The following AGMO variants were observed in gnomAD, a reference collection of about 807,000 sequenced individuals.
AGMO encodes the protein alkylglycerol monooxygenase, also known as glyceryl-ether monooxygenase.
In AGMO, 75 loss-of-function variants were observed where a neutral mutation model predicts 60.2. The observed-to-expected ratio is 1.25, with a 90% CI of 1.03 to 1.51. The LOEUF (loss-of-function observed/expected upper bound fraction) is 1.51, where lower values mean the gene tolerates loss of function less well. AGMO is among the 40% of genes most tolerant of loss of function. The probability of loss-of-function intolerance (pLI) is 0.00; values close to 1 mark genes in which losing one functional copy is unlikely to be tolerated. For synonymous variants in AGMO, 261 were observed against 177.1 expected (o/e 1.47, Z -3.76); for missense variants, 763 against 525.5 (o/e 1.45, Z -4.42).
chr7:15,503,593 A>C (rs978872082), intron 3 of AGMO, among the ~76,000 whole-genome samples: 3 of 152,040 alleles, frequency 2.0e-5, no homozygotes, highest in African/African-American at 7.2e-5. Context: ...CAGGGAAATA[A>C]ATCAATATGA....
chr7:15,267,255 G>A (rs1176173235), intron 12 of AGMO, among the ~76,000 whole-genome samples: 2 of 151,720 alleles, frequency 1.3e-5, no homozygotes, highest in African/African-American at 4.8e-5. Flanking sequence ...TTGTTTCTCA[G>A]AAAATATACT....
intron 12 of AGMO, among the ~76,000 whole-genome samples, chr7:15,235,617 G>A (rs937029000): frequency 2.0e-5 from 3 of 151,994 alleles, no homozygotes; most frequent in Non-Finnish European, 2.9e-5. Flanking sequence ...GTATTTTAGA[G>A]ACTAAATTAA....
At chr7:15,148,026 C>T in the AGMO span, among the ~76,000 whole-genome samples, 8 of 152,206 alleles carry the variant, frequency 5.3e-5, no homozygotes, top group Admixed American at 6.5e-5. Flanking sequence ...AACAGTCTTG[C>T]TCAGTGGTAA....
At chr7:15,155,426 T>C in the AGMO span, among the ~76,000 whole-genome samples, 1 of 132,944 alleles carries the variant, frequency 7.5e-6, no homozygotes, top group African/African-American at 2.9e-5. Flanking sequence ...TTTCTTTTTT[T>C]TTTTTTTTTT....
intron 10 of AGMO, among the ~76,000 whole-genome samples, chr7:15,379,914 T>C (rs1480746042): frequency 6.6e-6 from 1 of 152,064 alleles, no homozygotes; most frequent in South Asian, 2.1e-4. Flanking sequence ...AGAAAGCATA[T>C]GATTATCCCA....
At chr7:15,434,923 CT>C (rs1781357482) in intron 3 of AGMO, among the ~76,000 whole-genome samples, 6 of 111,582 alleles carry the variant, frequency 5.4e-5, no homozygotes, top group Admixed American at 3.5e-4. Flanking sequence ...TTTAGTTTTG[CT>C]TTTTTGAGTG....
At chr7:15,418,882 T>C (rs1424219223) in intron 4 of AGMO, among the ~76,000 whole-genome samples, 1 of 151,932 alleles carries the variant, frequency 6.6e-6, no homozygotes, top group Admixed American at 6.6e-5. Flanking sequence ...TAATATTGTC[T>C]AGTTAAAATA....
chr7:15,471,147 A>G (rs1782441934), intron 3 of AGMO, among the ~76,000 whole-genome samples: 1 of 151,936 alleles, frequency 6.6e-6, no homozygotes, highest in Non-Finnish European at 1.5e-5. Flanking sequence ...CCCAATTGTC[A>G]TCATTATCAT....
chr7:15,168,853 C>T, the AGMO span, among the ~76,000 whole-genome samples: 1 of 152,154 alleles, frequency 6.6e-6, no homozygotes, highest in Admixed American at 6.5e-5. Context: ...ATTGGTGATG[C>T]CTTCGTTGCA....
chr7:15,243,950 C>T (rs1782667651), intron 12 of AGMO, among the ~76,000 whole-genome samples: 1 of 152,080 alleles, frequency 6.6e-6, no homozygotes, highest in South Asian at 2.1e-4. Flanking sequence ...ATGATCTTCC[C>T]CTGTATTTCC....
chr7:15,541,017 T>A (rs1784613936), intron 3 of AGMO, among the ~76,000 whole-genome samples: 1 of 152,224 alleles, frequency 6.6e-6, no homozygotes, highest in South Asian at 2.1e-4. Context: ...TTTAAAAATG[T>A]TTCCTTGAAA....
intron 12 of AGMO, among the ~76,000 whole-genome samples, chr7:15,362,661 C>T (rs571270914): frequency 4.5e-4 from 68 of 152,310 alleles, no homozygotes; most frequent in African/African-American, 1.6e-3. Context: ...GAAGCAGTTT[C>T]TGGAAAGAGT....
chr7:15,471,614 G>A (rs1035169245), intron 3 of AGMO, among the ~76,000 whole-genome samples: 1 of 151,902 alleles, frequency 6.6e-6, no homozygotes, highest in African/African-American at 2.4e-5. Context: ...TAGAAACAAT[G>A]TTAGCTTTGT....
intron 9 of AGMO, 96 bp from the exon 10 acceptor site, chr7:15,385,658 T>C (rs1261464565): frequency 1.4e-6 from 1 of 703,140 alleles, no homozygotes; most frequent in South Asian, 1.6e-5. Context: ...TATCTGCTAT[T>C]TTTTTTAAAA....
At chr7:15,550,023 C>G (rs558240411) in intron 2 of AGMO, among the ~76,000 whole-genome samples, 1 of 151,990 alleles carries the variant, frequency 6.6e-6, no homozygotes, top group Non-Finnish European at 1.5e-5. Context: ...CACTCAAAAC[C>G]GCTCAACTAC....
intron 12 of AGMO, among the ~76,000 whole-genome samples, chr7:15,354,370 A>ATG (rs1186698376): frequency 3.2e-5 from 2 of 62,862 alleles, no homozygotes; most frequent in East Asian, 5.6e-4. Flanking sequence ...GTGTATATAG[A>ATG]CGTGTGTATA....
At chr7:15,340,556 T>C (rs1194827382) in intron 12 of AGMO, among the ~76,000 whole-genome samples, 1 of 152,124 alleles carries the variant, frequency 6.6e-6, no homozygotes. Context: ...GTGCCCTGTG[T>C]CCCAGCCACT....
intron 5 of AGMO, among the ~76,000 whole-genome samples, chr7:15,416,523 C>T (rs2128493788): frequency 6.6e-6 from 1 of 152,160 alleles, no homozygotes; most frequent in African/African-American, 2.4e-5. Context: ...TCAAAAAAAT[C>T]AGTATCTTCT....
rs201383556 is a variant in AGMO at position 15,365,545 on chromosome 7, G to C, written c.1232C>G (p.Pro411Arg). 656 of 1,612,812 alleles carry C rather than the reference G, an allele frequency of 4.1e-4. No homozygotes were observed. Among genetic ancestry groups the C allele is most frequent in the Non-Finnish European group, 1.2e-4 (137 of 1,179,092 alleles). ...LMLYRFGHLKPLVPSLSSAFE... is the reference protein window; with the variant it reads ...LMLYRFGHLKRLVPSLSSAFE... Reference sequence around the variant, plus strand: ...AGCAGATGACAATGAAGGGACAAGAGGCTTCAGGTGACCAAATCGGTACAG... The same window carrying C: ...AGCAGATGACAATGAAGGGACAAGACGCTTCAGGTGACCAAATCGGTACAG... Residue 411 changes from proline (P) to arginine (R), a missense_variant, in exon 12 of 13, where the codon CCT becomes CGT. By Grantham distance (103) the Pro-to-Arg change is moderately radical (BLOSUM62 -2). Coordinates refer to ENST00000342526, the MANE Select transcript of AGMO (RefSeq NM_001004320.2).
Sources: allele counts gnomAD v4.1 joint callset (sites outside exome capture counted in the v4.1 genomes callset), GRCh38; gene constraint gnomAD v4.1.1; transcripts MANE v1.5; gene names NCBI Gene and HGNC (gene_info 2026-07-23, HGNC 2026-07-21).